NHSL2: variants seen among roughly 807,000 people sequenced by gnomAD.
The protein encoded by NHSL2 is NHS like 2, also known as NHS-like protein 2.
NHSL2 carries 27 observed loss-of-function variants against 53.4 expected under a neutral mutation model. The observed-to-expected ratio is 0.51, with a 90% CI of 0.37 to 0.70. The LOEUF (loss-of-function observed/expected upper bound fraction) is 0.70. NHSL2 is among the 30% of genes least tolerant of loss of function. The pLI, the probability that NHSL2 is intolerant of heterozygous loss-of-function variation, is 0.00. For missense variants in NHSL2, 892 were observed against 980.1 expected (o/e 0.91, Z 1.20); for synonymous variants, 408 against 404.1 (o/e 1.01, Z -0.12).
chrX:72,129,875 T>A, intron 1 of NHSL2: 1 of 1,205,938 alleles, frequency 8.3e-7, no homozygotes, highest in Non-Finnish European at 1.1e-6. Context: ...CCCCCCTGTC[T>A]CGGAGTGAGG....
At chrX:72,106,200 C>G (rs2042038335) in intron 1 of NHSL2, among the ~76,000 whole-genome samples, 1 of 109,558 alleles carries the variant, frequency 9.1e-6, no homozygotes, top group Non-Finnish European at 1.9e-5. Context: ...GACAGCAAGA[C>G]TCTGTCTAAA....
chrX:72,004,667 C>T (rs929423660), intron 1 of NHSL2, among the ~76,000 whole-genome samples: 1 of 109,557 alleles, frequency 9.1e-6, no homozygotes, highest in African/African-American at 3.3e-5. Flanking sequence ...GAACCACCCC[C>T]GCAGCCCCCT....
chrX:72,143,099 C>A (rs187355582), intron 7 of NHSL2, among the ~76,000 whole-genome samples, 154 bp from the exon 8 acceptor site: 15 of 111,607 alleles, frequency 1.3e-4, no homozygotes, highest in Non-Finnish European at 3.8e-5. Context: ...CAACAAGGGA[C>A]TCTGAGGATT....
chrX:72,078,879 C>T (rs750048020), intron 1 of NHSL2, among the ~76,000 whole-genome samples: 11 of 112,219 alleles, frequency 9.8e-5, no homozygotes, highest in Non-Finnish European at 1.7e-4. Flanking sequence ...ATGCATGAGC[C>T]CTGGCCCTGC....
At chrX:72,027,158 A>G (rs1304666343) in intron 1 of NHSL2, among the ~76,000 whole-genome samples, 1 of 112,187 alleles carries the variant, frequency 8.9e-6, no homozygotes, top group Non-Finnish European at 1.9e-5. Context: ...GTGCCAGGAA[A>G]CTGGCCCACT....
At chrX:72,019,591 G>C (rs1172076530) in intron 1 of NHSL2, among the ~76,000 whole-genome samples, 1 of 112,142 alleles carries the variant, frequency 8.9e-6, no homozygotes, top group African/African-American at 3.2e-5. Flanking sequence ...TGAGTGTTCT[G>C]TGAGCACAGC....
chrX:71,947,737 G>T (rs1210846590), intron 1 of NHSL2, among the ~76,000 whole-genome samples: 1 of 112,353 alleles, frequency 8.9e-6, no homozygotes, highest in Admixed American at 9.4e-5. Context: ...CTTCGACACT[G>T]CATCTGGCAA....
At chrX:72,088,536 C>G (rs1473154589) in intron 1 of NHSL2, among the ~76,000 whole-genome samples, 1 of 112,097 alleles carries the variant, frequency 8.9e-6, no homozygotes, top group Non-Finnish European at 1.9e-5. Flanking sequence ...TAACACATGA[C>G]AAAGCACAAC....
At chrX:71,971,713 C>G (rs2041925710) in intron 1 of NHSL2, among the ~76,000 whole-genome samples, 1 of 111,276 alleles carries the variant, frequency 9.0e-6, no homozygotes, top group Non-Finnish European at 1.9e-5. Context: ...ATATCATTAC[C>G]TACATAACTA....
chrX:72,080,571 CGTGTGTGTGTGTGT>C (rs10580313), intron 1 of NHSL2, among the ~76,000 whole-genome samples: 30 of 97,109 alleles, frequency 3.1e-4, no homozygotes, highest in African/African-American at 9.6e-4. Flanking sequence ...GAATTCTGCA[CGTGTGTGTGTGTGT>C]GTGTGTGTGT....
At chrX:71,952,944 A>G in intron 1 of NHSL2, among the ~76,000 whole-genome samples, 1 of 111,870 alleles carries the variant, frequency 8.9e-6, no homozygotes. Context: ...AAAAATTACA[A>G]TGAACAGCAT....
intron 1 of NHSL2, among the ~76,000 whole-genome samples, chrX:71,929,312 A>T (rs2041701449): frequency 8.9e-6 from 1 of 112,522 alleles, no homozygotes; most frequent in Non-Finnish European, 1.9e-5. Flanking sequence ...GCTGGGTCTT[A>T]TAATTACCAA....
intron 1 of NHSL2, among the ~76,000 whole-genome samples, chrX:72,002,643 G>C (rs773675909): frequency 1.8e-5 from 2 of 111,885 alleles, no homozygotes; most frequent in African/African-American, 6.5e-5. Context: ...AGATCTGGTA[G>C]TCTCTGTGGT....
intron 1 of NHSL2, among the ~76,000 whole-genome samples, chrX:72,076,181 C>T (rs1210330074): frequency 1.8e-5 from 2 of 111,334 alleles, no homozygotes; most frequent in African/African-American, 3.3e-5. Context: ...GATCTGCCTG[C>T]CTTGGCCTCC....
chrX:72,065,135 G>A (rs2042420565), intron 1 of NHSL2, among the ~76,000 whole-genome samples: 1 of 111,851 alleles, frequency 8.9e-6, no homozygotes, highest in African/African-American at 3.3e-5. Context: ...GGGGGAACAA[G>A]GACCAAGCAT....
chrX:71,943,755 G>A (rs1200110322), intron 1 of NHSL2, among the ~76,000 whole-genome samples: 2 of 112,474 alleles, frequency 1.8e-5, no homozygotes, highest in African/African-American at 6.5e-5. Flanking sequence ...GTATAACTGG[G>A]TATACTTTGG....
rs2041598476 is a variant in NHSL2 at position 71,911,072 on chromosome X, C to T, written c.-16C>T. 2.0e-6 allele frequency: 2 copies of T among 994,471 alleles called. No homozygotes were observed. Among genetic ancestry groups the T allele is most frequent in the Non-Finnish European group, 2.5e-6 (2 of 789,869 alleles). The allele number at this position is 994,471 out of a possible 1,213,427, so 82.0% of individuals were successfully genotyped here. Reference sequence around the variant, plus strand: ...CGCCGCCAGACTGGTCCCCTGCGCCCGCGCCCGCGGCCGGGATGCCGTTCT... The same window carrying T: ...CGCCGCCAGACTGGTCCCCTGCGCCTGCGCCCGCGGCCGGGATGCCGTTCT... On this transcript the variant is annotated 5_prime_UTR_variant, in exon 1 of 8. Coordinates refer to ENST00000633930, the MANE Select transcript of NHSL2 (RefSeq NM_001013627.3).
intron 1 of NHSL2, among the ~76,000 whole-genome samples, chrX:71,945,575 G>T (rs775390360): frequency 8.9e-6 from 1 of 111,778 alleles, no homozygotes; most frequent in Non-Finnish European, 1.9e-5. Context: ...CCGACTTGGG[G>T]CTGGTCTGCT....
chrX:72,068,394 A>G (rs181623278), intron 1 of NHSL2, among the ~76,000 whole-genome samples: 3 of 112,583 alleles, frequency 2.7e-5, no homozygotes, highest in African/African-American at 9.7e-5. Context: ...CTTTGTGGCC[A>G]TGACTATTAC....
Sources: allele counts gnomAD v4.1 joint callset (sites outside exome capture counted in the v4.1 genomes callset), GRCh38; gene constraint gnomAD v4.1.1; transcripts MANE v1.5; gene names NCBI Gene and HGNC (gene_info 2026-07-23, HGNC 2026-07-21).